STOX1: variants seen among roughly 807,000 people sequenced by gnomAD.
The protein encoded by STOX1 is storkhead box 1, also known as storkhead-box protein 1.
Under a neutral mutation model 74.8 loss-of-function variants are expected in STOX1, and 57 were observed. That is an observed-to-expected ratio of 0.76 (90% CI 0.62 to 0.95). The LOEUF (loss-of-function observed/expected upper bound fraction) is 0.95. STOX1 is among the 40% of genes least tolerant of loss of function. The probability of loss-of-function intolerance (pLI) is 0.00; values close to 1 mark genes in which losing one functional copy is unlikely to be tolerated. For missense variants in STOX1, 1,010 were observed against 1,117.0 expected, an observed-to-expected ratio of 0.90 and a Z score of 1.37; for synonymous variants, 375 against 401.3, an observed-to-expected ratio of 0.93 and a Z score of 0.78.
At position 68,854,581 on chromosome 10, in the gene STOX1, A is replaced by T. The variant is rs151027763; in HGVS notation, c.310+26648A>T. On this transcript the variant is annotated intron_variant, in intron 1 of 3. Coordinates refer to ENST00000298596, the MANE Select transcript of STOX1 (RefSeq NM_152709.5). Reference sequence around the variant, plus strand: ...TTAAAGTGCTGGGGTTACAGGTGTGAGCCACTCCACCTGGCCCATACCACC... The same window carrying T: ...TTAAAGTGCTGGGGTTACAGGTGTGTGCCACTCCACCTGGCCCATACCACC... Among the ~76,000 whole-genome samples the T allele has an allele frequency of 2.7e-3, 417 of 152,170 alleles. 7 individuals are homozygous for T. The highest frequency in any genetic ancestry group is 9.4e-3 in the African/African-American group (389 of 41,462).
chr10:68,891,269 T>C (rs959933097), intron 3 of STOX1, among the ~76,000 whole-genome samples: 2 of 152,104 alleles, frequency 1.3e-5, no homozygotes, highest in African/African-American at 4.8e-5. Flanking sequence ...ATTAGGGGGA[T>C]AGAGATGAAC....
intron 1 of STOX1, among the ~76,000 whole-genome samples, chr10:68,835,714 G>A (rs1589214691): frequency 6.6e-6 from 1 of 152,258 alleles, no homozygotes; most frequent in African/African-American, 2.4e-5. Context: ...GGGCCTTTTC[G>A]ATATCCTTCC....
At position 68,885,940 on chromosome 10, in the gene STOX1, A is replaced by G; in HGVS notation, c.2144A>G (p.Asn715Ser). 1 of 1,614,248 alleles carries G rather than the reference A, an allele frequency of 6.2e-7. No homozygotes were observed. Among genetic ancestry groups the G allele is most frequent in the South Asian group, 1.1e-5 (1 of 91,092 alleles). The change falls in exon 3 of 4, where the codon AAC becomes AGC. Residue 715 changes from asparagine (N) to serine (S), a missense_variant. Transcript: ENST00000298596. ...TTSLENEQLS[N>S]DDQALYQNEV... is the part of the protein sequence containing the mutation. ...AGCCTAGAAAATGAACAGCTTTCTA[A>G]CGATGACCAGGCCTTGTATCAGAAT... is the stretch of plus-strand genomic sequence containing the variant.
intron 1 of STOX1, among the ~76,000 whole-genome samples, chr10:68,837,899 C>T (rs1211418406): frequency 6.6e-6 from 1 of 152,220 alleles, no homozygotes; most frequent in Non-Finnish European, 1.5e-5. Flanking sequence ...ACAGTACAAA[C>T]ACCAGCATGT....
intron 1 of STOX1, among the ~76,000 whole-genome samples, chr10:68,848,019 C>T (rs959836483): frequency 5.3e-5 from 8 of 152,256 alleles, no homozygotes; most frequent in Admixed American, 2.0e-4. Context: ...GCGTGAGCCA[C>T]TGTGCCTGGC....
At chr10:68,834,845 G>A (rs1230837954) in intron 1 of STOX1, among the ~76,000 whole-genome samples, 2 of 151,138 alleles carry the variant, frequency 1.3e-5, no homozygotes, top group Non-Finnish European at 2.9e-5. Flanking sequence ...CTGCCTTAGC[G>A]TCCCAAGTAG....
At chr10:68,842,527 G>A (rs543410295) in intron 1 of STOX1, among the ~76,000 whole-genome samples, 2 of 141,900 alleles carry the variant, frequency 1.4e-5, no homozygotes, top group East Asian at 4.2e-4. Flanking sequence ...CCATGGCTCT[G>A]TACCATTTCT....
At chr10:68,851,041 G>A (rs1272342317) in intron 1 of STOX1, among the ~76,000 whole-genome samples, 2 of 150,764 alleles carry the variant, frequency 1.3e-5, no homozygotes, top group Admixed American at 1.3e-4. Context: ...AGGTGCGGTG[G>A]CTCACACCTG....
chr10:68,851,571 T>C (rs1839984416), intron 1 of STOX1, among the ~76,000 whole-genome samples: 1 of 152,220 alleles, frequency 6.6e-6, no homozygotes, highest in Non-Finnish European at 1.5e-5. Context: ...CTGGGCACAG[T>C]GGCTCACACC....
chr10:68,855,470 G>A (rs141794747), intron 1 of STOX1, among the ~76,000 whole-genome samples: 11 of 151,340 alleles, frequency 7.3e-5, no homozygotes, highest in Non-Finnish European at 1.0e-4. Context: ...ACTGGGTCTC[G>A]CTGTATCACC....
chr10:68,859,369 AGT>A (rs1452783041), intron 1 of STOX1, among the ~76,000 whole-genome samples: 1 of 152,120 alleles, frequency 6.6e-6, no homozygotes, highest in East Asian at 1.9e-4. Context: ...ATCCAGGAAG[AGT>A]GCCTATCACT....
At position 68,844,369 on chromosome 10, in the gene STOX1, G is replaced by C. The variant is rs565149748; in HGVS notation, c.310+16436G>C. Among the ~76,000 whole-genome samples the C allele has an allele frequency of 2.0e-5, 3 of 146,360 alleles. No homozygotes were observed. The Admixed American group carries it at 2.1e-4, about 10-fold the overall frequency. ...ACTGGAGTGCAATGGCGTGATCTTG[G>C]CTCACTGCAACCTCTGTCTCCTGGG... On this transcript the variant is annotated intron_variant, in intron 1 of 3. Transcript: ENST00000298596.
At chr10:68,830,094 A>G (rs747183996) in intron 1 of STOX1, among the ~76,000 whole-genome samples, 8 of 152,132 alleles carry the variant, frequency 5.3e-5, no homozygotes, top group Non-Finnish European at 1.2e-4. Context: ...CCCAGTGAGC[A>G]GTGGTAAATG....
At position 68,885,271 on chromosome 10, in the gene STOX1, G is replaced by C. The variant is rs114834039; in HGVS notation, c.1475G>C (p.Arg492Pro). Residue 492 changes from arginine to proline, a missense_variant, in exon 3 of 4, where the codon CGA becomes CCA. Coordinates refer to ENST00000298596, the MANE Select transcript of STOX1 (RefSeq NM_152709.5). ...GGTTCCCATTTGATTTACAAAAAGC[G>C]AATCAGTAATCCTTTCCAGGGTTTG... ...VLGSHLIYKK[R>P]ISNPFQGLSH... 5.0e-6 allele frequency: 8 copies of C among 1,614,176 alleles called. No individual in the cohort carries two copies. Among genetic ancestry groups the C allele is most frequent in the East Asian group, 2.2e-5 (1 of 44,888 alleles).
intron 1 of STOX1, among the ~76,000 whole-genome samples, chr10:68,842,009 G>A (rs1023827049): frequency 2.6e-5 from 4 of 152,092 alleles, no homozygotes; most frequent in African/African-American, 9.7e-5. Context: ...AGGGAGGTGT[G>A]TGTGTTGGAG....
At chr10:68,858,755 C>T (rs1163561) in intron 1 of STOX1, among the ~76,000 whole-genome samples, 9,317 of 151,662 alleles carry the variant, frequency 0.061, 355 homozygotes, top group Middle Eastern at 0.099. Context: ...TGTAGATAGG[C>T]CTTCCTGGAT....
chr10:68,849,938 G>T (rs1194170673), intron 1 of STOX1, among the ~76,000 whole-genome samples: 1 of 152,122 alleles, frequency 6.6e-6, no homozygotes, highest in African/African-American at 2.4e-5. Flanking sequence ...GTAATTGTGG[G>T]TCATGTAAAA....
chr10:68,828,729 C>G (rs1839330826), intron 1 of STOX1, among the ~76,000 whole-genome samples: 1 of 152,090 alleles, frequency 6.6e-6, no homozygotes, highest in Non-Finnish European at 1.5e-5. Flanking sequence ...CTGCAGCGAA[C>G]GGCATTCTGG....
chr10:68,859,617 T>TTG (rs1209329380), intron 1 of STOX1, among the ~76,000 whole-genome samples: 1 of 152,106 alleles, frequency 6.6e-6, no homozygotes. Flanking sequence ...GACAAATGTT[T>TTG]TGCTCACAGC....
Sources: gnomAD v4.1 joint callset for allele counts (sites outside exome capture counted in the v4.1 genomes callset) on GRCh38, gnomAD v4.1.1 for gene constraint, MANE v1.5 for transcripts, NCBI Gene and HGNC (gene_info 2026-07-23, HGNC 2026-07-21) for gene names.